The following ADAM2 variants were observed in gnomAD, a reference collection of about 807,000 sequenced individuals.
ADAM2 encodes the protein disintegrin and metalloproteinase domain-containing protein 2.
ADAM2 carries 101 observed loss-of-function variants against 99.3 expected under a neutral mutation model. That is an observed-to-expected ratio of 1.02 (90% CI 0.87 to 1.20). The LOEUF is 1.20. ADAM2 is among the 50% of genes most tolerant of loss of function. The probability of loss-of-function intolerance (pLI) is 0.00; values close to 1 mark genes in which losing one functional copy is unlikely to be tolerated. For missense variants in ADAM2, 948 were observed against 878.7 expected (o/e 1.08, Z -1.00); for synonymous variants, 323 against 287.6 (o/e 1.12, Z -1.25).
At position 39,748,474 on chromosome 8, in the gene ADAM2, T is replaced by C. The variant is rs187693222; in HGVS notation, c.2014+838A>G. Among the ~76,000 whole-genome samples the C allele has an allele frequency of 6.6e-5, 10 of 152,306 alleles. No individual in the cohort carries two copies. The East Asian group carries it at 1.7e-3, about 26-fold the overall frequency. On this transcript the variant is annotated intron_variant, in intron 18 of 20. Transcript: ENST00000265708. ...TAATCTATTACTATATAACATTAAA[T>C]ATAATATTTCCAGATACTGGAATTA...
intron 4 of ADAM2, among the ~76,000 whole-genome samples, chr8:39,823,896 T>G (rs749619286): frequency 6.6e-6 from 1 of 152,166 alleles, no homozygotes; most frequent in Non-Finnish European, 1.5e-5. Flanking sequence ...AATGCTTTAC[T>G]TTCAAAACAC....
intron 10 of ADAM2, among the ~76,000 whole-genome samples, chr8:39,779,440 G>A (rs1251061053): frequency 6.6e-6 from 1 of 152,054 alleles, no homozygotes; most frequent in Non-Finnish European, 1.5e-5. Context: ...TCACATTGGA[G>A]GTTAAGGCTT....
intron 11 of ADAM2, among the ~76,000 whole-genome samples, chr8:39,771,656 T>A (rs1487979356): frequency 6.6e-6 from 1 of 152,112 alleles, no homozygotes; most frequent in African/African-American, 2.4e-5. Context: ...TCGAATAAAT[T>A]TAGAATTTTT....
intron 14 of ADAM2, among the ~76,000 whole-genome samples, chr8:39,765,726 T>C: frequency 6.6e-6 from 1 of 152,246 alleles, no homozygotes; most frequent in East Asian, 1.9e-4. Flanking sequence ...CACTTTTTCA[T>C]TTTGTAAGTT....
intron 7 of ADAM2, among the ~76,000 whole-genome samples, chr8:39,796,273 T>C (rs1240314943): frequency 1.3e-5 from 2 of 152,122 alleles, no homozygotes; most frequent in South Asian, 2.1e-4. Flanking sequence ...CTCCCACTTA[T>C]GAGGGAGAAC....
chr8:39,755,936 T>A, intron 15 of ADAM2, 25 bp from the exon 16 acceptor site: 2 of 1,237,632 alleles, frequency 1.6e-6, no homozygotes, highest in Non-Finnish European at 2.3e-6. Context: ...CAAATAAAAA[T>A]TATTAATTTT....
At chr8:39,788,880 C>A in intron 7 of ADAM2, 140 bp from the exon 8 acceptor site, 1 of 459,590 alleles carries the variant, frequency 2.2e-6, no homozygotes, top group Non-Finnish European at 3.7e-6. Context: ...ACATTATTTT[C>A]TTATACAAAT....
intron 6 of ADAM2, among the ~76,000 whole-genome samples, 170 bp from the exon 7 acceptor site, chr8:39,809,636 G>C (rs1173247348): frequency 6.6e-6 from 1 of 151,684 alleles, no homozygotes; most frequent in Non-Finnish European, 1.5e-5. Context: ...TCATCTATTT[G>C]TCACTTTTCT....
intron 10 of ADAM2, among the ~76,000 whole-genome samples, chr8:39,779,655 C>T (rs905413120): frequency 3.9e-5 from 6 of 152,048 alleles, no homozygotes; most frequent in Non-Finnish European, 8.8e-5. Flanking sequence ...ACAGAGCAGA[C>T]AATTTTCTTT....
At chr8:39,822,124 A>G (rs1391502978) in intron 4 of ADAM2, among the ~76,000 whole-genome samples, 1 of 152,138 alleles carries the variant, frequency 6.6e-6, no homozygotes. Flanking sequence ...TACTTCATGG[A>G]CTCAATACAC....
chr8:39,837,707 G>C (rs1236796254), intron 1 of ADAM2, among the ~76,000 whole-genome samples: 1 of 152,022 alleles, frequency 6.6e-6, no homozygotes, highest in African/African-American at 2.4e-5. Flanking sequence ...AAAAGAAGTA[G>C]GTGTATTGCT....
chr8:39,744,022 C>A lies in ADAM2; in HGVS notation c.*73G>T, dbSNP rs1823344784. 1 of 151,858 alleles carries A rather than the reference C, an allele frequency of 6.6e-6. No individual in the cohort carries two copies. The allele number at this position is 151,858 out of a possible 1,614,324, so 9.4% of individuals were successfully genotyped here. The stretch of plus-strand genomic sequence containing the variant: ...CAGGTAATGTACATTCTTTTCTTTC[C>A]ATTTTTTTGTGTCCATCCATCACAG... On this transcript the variant is annotated 3_prime_UTR_variant, in exon 21 of 21. Transcript: ENST00000265708.
intron 7 of ADAM2, 116 bp from the exon 8 acceptor site, chr8:39,788,856 ATAT>A: frequency 1.9e-6 from 1 of 540,216 alleles, no homozygotes; most frequent in Non-Finnish European, 3.0e-6. Flanking sequence ...AATTACAAAC[ATAT>A]TAGTTTTTAG....
chr8:39,748,639 G>C (rs1823573032), intron 18 of ADAM2, among the ~76,000 whole-genome samples: 1 of 152,032 alleles, frequency 6.6e-6, no homozygotes, highest in African/African-American at 2.4e-5. Flanking sequence ...ATTCATCTAG[G>C]CTTTTCCTCT....
chr8:39,815,166 T>C (rs534520461), intron 6 of ADAM2, among the ~76,000 whole-genome samples: 1 of 152,266 alleles, frequency 6.6e-6, no homozygotes, highest in African/African-American at 2.4e-5. Flanking sequence ...GTTCCACTTA[T>C]TCTAATATAA....
intron 11 of ADAM2, among the ~76,000 whole-genome samples, chr8:39,775,456 A>G (rs575453704): frequency 6.6e-6 from 1 of 151,190 alleles, no homozygotes; most frequent in South Asian, 2.1e-4. Context: ...GTAGATTCCA[A>G]TCTCTGGCAC....
intron 7 of ADAM2, 100 bp from the exon 8 acceptor site, chr8:39,788,840 T>C (rs1803584171): frequency 3.4e-6 from 2 of 584,474 alleles, no homozygotes; most frequent in South Asian, 1.0e-4. Flanking sequence ...AGTAATAAAT[T>C]ATTTAAATTA....
intron 18 of ADAM2, 33 bp downstream of exon 18, chr8:39,749,279 T>G (rs1586041204): frequency 7.8e-6 from 12 of 1,541,766 alleles, no homozygotes; most frequent in Non-Finnish European, 1.1e-5. Flanking sequence ...AAATTATGTT[T>G]TAATTATTTT....
At chr8:39,767,510 C>T (rs1458455874) in intron 12 of ADAM2, among the ~76,000 whole-genome samples, 2 of 152,096 alleles carry the variant, frequency 1.3e-5, no homozygotes, top group Admixed American at 1.3e-4. Flanking sequence ...GCCCTGGGGT[C>T]CACCATAGCC....
Sources: gnomAD v4.1 joint callset for allele counts (sites outside exome capture counted in the v4.1 genomes callset) on GRCh38, gnomAD v4.1.1 for gene constraint, MANE v1.5 for transcripts, NCBI Gene and HGNC (gene_info 2026-07-23, HGNC 2026-07-21) for gene names.